The following ZMYM1 variants were observed in gnomAD, a reference collection of about 807,000 sequenced individuals.
ZMYM1 encodes the protein zinc finger MYM-type protein 1.
In ZMYM1, 39 loss-of-function variants were observed where a neutral mutation model predicts 60.0. That is an observed-to-expected ratio of 0.65 (90% confidence interval 0.50 to 0.85). The LOEUF is 0.85. Among genes scored for constraint, ZMYM1 ranks in the 40% least tolerant of loss-of-function variants. The probability of loss-of-function intolerance (pLI) is 0.00; values close to 1 mark genes in which losing one functional copy is unlikely to be tolerated. For missense variants in ZMYM1, 1,171 were observed against 1,309.5 expected (o/e 0.89, Z 1.63); for synonymous variants, 413 against 454.0 (o/e 0.91, Z 1.15).
chr1:35,061,990 TG>T (rs1270811343), intron 1 of ZMYM1, among the ~76,000 whole-genome samples: 1 of 151,514 alleles, frequency 6.6e-6, no homozygotes, highest in Non-Finnish European at 1.5e-5. Flanking sequence ...TCACCATGCC[TG>T]GCTAATTTTT....
intron 1 of ZMYM1, among the ~76,000 whole-genome samples, chr1:35,091,448 C>G (rs1642996681): frequency 6.6e-6 from 1 of 152,116 alleles, no homozygotes; most frequent in Admixed American, 6.5e-5. Flanking sequence ...CTCCTGACCT[C>G]ATGATCCACC....
chr1:35,089,445 T>C (rs1452539656), intron 1 of ZMYM1, among the ~76,000 whole-genome samples: 1 of 152,168 alleles, frequency 6.6e-6, no homozygotes, highest in Non-Finnish European at 1.5e-5. Context: ...TCTCAGGCCT[T>C]ATTTAACTTT....
chr1:35,089,785 AC>A (rs1642889894), intron 1 of ZMYM1, among the ~76,000 whole-genome samples: 1 of 92,408 alleles, frequency 1.1e-5, no homozygotes, highest in Admixed American at 1.8e-4. Flanking sequence ...TTGTTCTGTC[AC>A]CCAGACTGGA....
chr1:35,106,060 G>C (rs1442307949), intron 6 of ZMYM1, among the ~76,000 whole-genome samples: 2 of 152,010 alleles, frequency 1.3e-5, no homozygotes, highest in African/African-American at 4.8e-5. Context: ...TTCAGAACCA[G>C]CCTGAGCAAC....
chr1:35,075,317 GTCTTGCT>G (rs1642148039), upstream of ZMYM1, among the ~76,000 whole-genome samples: 1 of 151,876 alleles, frequency 6.6e-6, no homozygotes, highest in African/African-American at 2.4e-5. Flanking sequence ...AATATGTTGG[GTCTTGCT>G]TTTTTGTTGT....
At chr1:35,064,184 C>T (rs975207159) in intron 1 of ZMYM1, among the ~76,000 whole-genome samples, 11 of 149,014 alleles carry the variant, frequency 7.4e-5, no homozygotes, top group Non-Finnish European at 1.5e-4. Flanking sequence ...ATCAGCCGGG[C>T]GTGATTGTGC....
chr1:35,075,017 C>T (rs1442539516), upstream of ZMYM1, among the ~76,000 whole-genome samples: 7 of 151,834 alleles, frequency 4.6e-5, no homozygotes, highest in South Asian at 6.2e-4. Flanking sequence ...CCCGTCACTG[C>T]GCCCAGCTAA....
In ZMYM1 at chr1:35,115,378, T is replaced by A; in HGVS notation, c.*119T>A. On this transcript the variant is annotated 3_prime_UTR_variant, in exon 10 of 10. Transcript: ENST00000359858. ...AAACAGTGAAGTCTCCTTCCCTCCT[T>A]TAGAACTCATTTTCTCTTCCCAAAA... is the stretch of plus-strand genomic sequence containing the variant. 1 of 1,199,742 alleles carries A rather than the reference T, an allele frequency of 8.3e-7. No individual in the cohort carries two copies. Among genetic ancestry groups the A allele is most frequent in the Non-Finnish European group, 1.1e-6 (1 of 889,718 alleles). 74.3% of individuals were successfully genotyped at this position (1,199,742 alleles called of 1,614,324 possible). A position where few individuals can be genotyped will look rare whatever the true frequency, so the allele number is the denominator to read the frequency against.
Position 35,094,031 on chromosome 1 carries a change from C to CAT in ZMYM1, c.45_46dup (p.Ser16TyrfsTer7). 6.2e-7 allele frequency: 1 copy of CAT among 1,611,060 alleles called. No homozygotes were observed. Among genetic ancestry groups the CAT allele is most frequent in the Non-Finnish European group, 8.5e-7 (1 of 1,178,294 alleles). On this transcript the variant is annotated frameshift_variant, in exon 2 of 10. Transcript: ENST00000359858. LOFTEE classifies it high-confidence loss of function. Reference sequence around the variant, plus strand: ...GGTGGTGAGTGTGACAAGGCAGTGGCATCACAGCTGGGGCTGCTAGATGAA... The same window carrying CAT: ...GGTGGTGAGTGTGACAAGGCAGTGGCATATCACAGCTGGGGCTGCTAGATGAA...
rs763353438 is a variant in ZMYM1, at chr1:35,104,740, A to G, written c.778A>G (p.Ser260Gly). ...QMEGQSHYFN[S>G]SKSITAYKQK... Reference sequence around the variant, plus strand: ...GGAAGGACAGTCTCATTACTTTAATAGTTCAAAGAGTATTACAGCATATAA... The same window carrying G: ...GGAAGGACAGTCTCATTACTTTAATGGTTCAAAGAGTATTACAGCATATAA... Residue 260 changes from serine to glycine, a missense_variant, in exon 6 of 10, where the codon AGT becomes GGT. Physicochemically the swap from Ser to Gly is moderately conservative, Grantham distance 56. Coordinates refer to ENST00000359858, the MANE Select transcript of ZMYM1 (RefSeq NM_024772.5). 3.1e-6 allele frequency: 5 copies of G among 1,614,078 alleles called. No individual in the cohort carries two copies. The highest frequency in any genetic ancestry group is 4.2e-6 in the Non-Finnish European group (5 of 1,179,906).
Position 35,104,728 on chromosome 1 carries a change from C to T in ZMYM1, c.766C>T (p.His256Tyr), listed in dbSNP as rs1225124307. The change falls in exon 6 of 10, where the codon CAT (histidine) becomes TAT (tyrosine). Residue 256 changes from histidine (H) to tyrosine (Y), a missense_variant. Physicochemically the swap from His to Tyr is moderately conservative, Grantham distance 83. Coordinates refer to ENST00000359858, the MANE Select transcript of ZMYM1 (RefSeq NM_024772.5). ...SHILQMEGQS[H>Y]YFNSSKSITA... Reference sequence around the variant, plus strand: ...CATACTTCAGATGGAAGGACAGTCTCATTACTTTAATAGTTCAAAGAGTAT... The same window carrying T: ...CATACTTCAGATGGAAGGACAGTCTTATTACTTTAATAGTTCAAAGAGTAT... 1.9e-6 allele frequency: 3 copies of T among 1,614,124 alleles called. No individual in the cohort carries two copies. Among genetic ancestry groups the T allele is most frequent in the Admixed American group, 3.3e-5 (2 of 60,020 alleles).
chr1:35,071,423 C>G (rs1213841660), intron 1 of ZMYM1, among the ~76,000 whole-genome samples: 1 of 152,090 alleles, frequency 6.6e-6, no homozygotes, highest in African/African-American at 2.4e-5. Context: ...GCTTTGACTT[C>G]CCAGGCTCAA....
At chr1:35,105,634 CG>C (rs1395618102) in intron 6 of ZMYM1, among the ~76,000 whole-genome samples, 1 of 151,810 alleles carries the variant, frequency 6.6e-6, no homozygotes, top group African/African-American at 2.4e-5. Context: ...TTTTTTGAGA[CG>C]AGGTCTTTGT....
chr1:35,093,161 T>C (rs1643122705), intron 1 of ZMYM1: 1 of 152,228 alleles, frequency 6.6e-6, no homozygotes, highest in African/African-American at 2.4e-5. Flanking sequence ...AGAATGTATT[T>C]AAATGCTTAT....
chr1:35,071,759 G>A (rs1301438468), intron 1 of ZMYM1, among the ~76,000 whole-genome samples: 1 of 152,208 alleles, frequency 6.6e-6, no homozygotes, highest in Non-Finnish European at 1.5e-5. Context: ...ATCTTAAAAT[G>A]AGTTTGGAAG....
intron 1 of ZMYM1, among the ~76,000 whole-genome samples, chr1:35,092,521 A>G (rs146638695): frequency 0.015 from 2,319 of 152,098 alleles, 54 homozygotes; most frequent in African/African-American, 0.051. Context: ...GATTACAGGC[A>G]TGAACCACTG....
intron 2 of ZMYM1, among the ~76,000 whole-genome samples, chr1:35,095,336 A>G (rs1487030671): frequency 2.0e-5 from 3 of 151,842 alleles, no homozygotes; most frequent in African/African-American, 7.3e-5. Flanking sequence ...TCCACTAAAA[A>G]TTAAAAAATT....
At chr1:35,110,474 GT>G in intron 7 of ZMYM1, 27 bp downstream of exon 7, 1 of 1,367,774 alleles carries the variant, frequency 7.3e-7, no homozygotes, top group Non-Finnish European at 9.5e-7. Flanking sequence ...AATTGTAGGG[GT>G]TTAGTAATTA....
intron 8 of ZMYM1, 52 bp from the exon 9 acceptor site, chr1:35,112,035 A>G (rs1644105489): frequency 6.3e-7 from 1 of 1,582,780 alleles, no homozygotes; most frequent in Non-Finnish European, 8.6e-7. Context: ...TTATGATGCT[A>G]TTTTATAGGT....
Sources: gnomAD v4.1 joint callset for allele counts (sites outside exome capture counted in the v4.1 genomes callset) on GRCh38, gnomAD v4.1.1 for gene constraint, MANE v1.5 for transcripts, NCBI Gene and HGNC (gene_info 2026-07-23, HGNC 2026-07-21) for gene names.